DCAF13: variants seen among roughly 807,000 people sequenced by gnomAD.
DCAF13 encodes DDB1 and CUL4 associated factor 13.
DCAF13 carries 38 observed loss-of-function variants against 59.0 expected under a neutral mutation model. That is an observed-to-expected ratio of 0.64 (90% confidence interval 0.50 to 0.84). The LOEUF is 0.84. Ranked by LOEUF, DCAF13 falls within the 40% of genes least tolerant of loss-of-function variation. The pLI is 0.00. For synonymous variants in DCAF13, 173 were observed against 175.0 expected, an observed-to-expected ratio of 0.99 and a Z score of 0.09; for missense variants, 469 against 558.4, an observed-to-expected ratio of 0.84 and a Z score of 1.61.
At chr8:103,429,888 A>G (rs775709052) in intron 5 of DCAF13, 4 of 152,198 alleles carry the variant, frequency 2.6e-5, no homozygotes, top group Non-Finnish European at 5.9e-5. Flanking sequence ...AAAAGCCATA[A>G]AATTGTTCAT....
chr8:103,419,491 TATA>T (rs1816692758), intron 1 of DCAF13, among the ~76,000 whole-genome samples: 1 of 152,216 alleles, frequency 6.6e-6, no homozygotes, highest in Non-Finnish European at 1.5e-5. Context: ...ATGATAGCTA[TATA>T]ATATCATCAT....
intron 9 of DCAF13, chr8:103,440,752 G>A (rs1816999528): frequency 6.6e-6 from 1 of 152,262 alleles, no homozygotes; most frequent in African/African-American, 2.4e-5. Context: ...AAAAATAGCA[G>A]GTGTTATCAT....
intron 1 of DCAF13, among the ~76,000 whole-genome samples, chr8:103,417,122 C>G (rs571309990): frequency 6.6e-6 from 1 of 152,332 alleles, no homozygotes; most frequent in East Asian, 1.9e-4. Flanking sequence ...CAGTCCCACT[C>G]TTTAAGAGGT....
At chr8:103,441,712 T>C in intron 10 of DCAF13, 94 bp downstream of exon 10, 1 of 1,164,560 alleles carries the variant, frequency 8.6e-7, no homozygotes, top group South Asian at 1.4e-5. Flanking sequence ...GGGAGTAGTT[T>C]ATGTGCTATT....
At chr8:103,433,850 G>A (rs750107420) in intron 7 of DCAF13, among the ~76,000 whole-genome samples, 24 of 151,772 alleles carry the variant, frequency 1.6e-4, no homozygotes, top group Non-Finnish European at 3.4e-4. Flanking sequence ...CTTTATTGAT[G>A]TTTTGAAATT....
In DCAF13 at chr8:103,420,408, T is replaced by A. The variant is rs773291851; in HGVS notation, c.215T>A (p.Leu72Ter). The A allele has an allele frequency of 6.2e-7, 1 of 1,614,124 alleles. No homozygotes were observed. Among genetic ancestry groups the A allele is most frequent in the Non-Finnish European group, 8.5e-7 (1 of 1,180,000 alleles). The change falls in exon 2 of 11, where the codon TTG (leucine) becomes TAG (stop). Residue 72 changes from leucine (L) to a stop codon, truncating the protein, a stop_gained. Coordinates refer to ENST00000612750, the MANE Select transcript of DCAF13 (RefSeq NM_015420.7). LOFTEE classifies it high-confidence loss of function. ...GGTCACCGTGATGGAGTCAATTGCT[T>A]GGCAAAGCATCCAGAGAAGCTGGCT... is the stretch of plus-strand genomic sequence containing the variant. The part of the protein sequence containing the change: ...LDGHRDGVNC[L>*]AKHPEKLATV...
rs1816788493 is a variant in DCAF13 at position 103,426,080 on chromosome 8, C to G, written c.403C>G (p.Gln135Glu). ...FTVGDDKTVK[Q>E]WKMDGPGYGD... ...GGTTGGTGATGACAAAACTGTGAAG[C>G]AGTGGAAAATGGATGGGCCAGGCTA... Residue 135 changes from glutamine (Q) to glutamate (E), a missense_variant, in exon 4 of 11, where the codon CAG becomes GAG. Transcript: ENST00000612750. 3 of 1,612,302 alleles carry G rather than the reference C, an allele frequency of 1.9e-6. No homozygotes were observed. The African/African-American group carries it at 4.0e-5, about 22-fold the overall frequency.
At chr8:103,428,855 A>G (rs550582251) in intron 5 of DCAF13, 1 of 151,998 alleles carries the variant, frequency 6.6e-6, no homozygotes, top group Non-Finnish European at 1.5e-5. Context: ...GGGATGACCT[A>G]GTGACCATGT....
At position 103,417,885 on chromosome 8, in the gene DCAF13, C is replaced by T. The variant is rs538074213; in HGVS notation, c.70+2369C>T. On this transcript the variant is annotated intron_variant, in intron 1 of 10. Transcript: ENST00000612750. ...CTGTAATCCCAGCACTTTGGGAGGC[C>T]GAGGCGGGAAGATCACGAGGTCAGG... Among the ~76,000 whole-genome samples the T allele has an allele frequency of 4.0e-5, 6 of 151,530 alleles. No individual in the cohort carries two copies. The East Asian group carries it at 5.9e-4, about 15-fold the overall frequency.
At chr8:103,420,789 G>A (rs1816711988) in intron 2 of DCAF13, 186 bp from the exon 3 acceptor site, 2 of 592,348 alleles carry the variant, frequency 3.4e-6, no homozygotes, top group Non-Finnish European at 5.9e-6. Context: ...AGAATCAACA[G>A]AGTATTTGTC....
At chr8:103,420,878 GC>G in intron 2 of DCAF13, 96 bp from the exon 3 acceptor site, 1 of 898,744 alleles carries the variant, frequency 1.1e-6, no homozygotes, top group African/African-American at 1.6e-5. Flanking sequence ...GGTTTTAGCT[GC>G]CCAGTAGAGT....
intron 3 of DCAF13, among the ~76,000 whole-genome samples, chr8:103,423,231 AATGCTTAAAATGAAT>A (rs1458288330): frequency 6.6e-6 from 1 of 151,930 alleles, no homozygotes. Context: ...ATTTTTTTTT[AATGCTTAAAATGAAT>A]AAAGGCTCAT....
intron 1 of DCAF13, among the ~76,000 whole-genome samples, chr8:103,416,859 C>G (rs1402993538): frequency 6.6e-6 from 1 of 152,170 alleles, no homozygotes; most frequent in Admixed American, 6.5e-5. Context: ...ACAAAATGAT[C>G]TATCTTGTTG....
intron 5 of DCAF13, chr8:103,429,841 G>C (rs1049254416): frequency 6.6e-6 from 1 of 152,080 alleles, no homozygotes; most frequent in African/African-American, 2.4e-5. Context: ...GTGTATACTG[G>C]TACAGCTCTT....
intron 10 of DCAF13, 143 bp from the exon 11 acceptor site, chr8:103,442,652 T>A: frequency 1.9e-6 from 1 of 525,204 alleles, no homozygotes; most frequent in Non-Finnish European, 3.4e-6. Flanking sequence ...TGGTACTAGC[T>A]TCCTTTTACC....
chr8:103,430,954 ATACT>A (rs1218900989), intron 6 of DCAF13, among the ~76,000 whole-genome samples: 4 of 152,128 alleles, frequency 2.6e-5, no homozygotes, highest in Non-Finnish European at 5.9e-5. Context: ...CCTCTAATTA[ATACT>A]TACTGAATTG....
intron 5 of DCAF13, chr8:103,427,821 G>C (rs1282459848): frequency 6.6e-6 from 1 of 152,538 alleles, no homozygotes; most frequent in Non-Finnish European, 1.5e-5. Flanking sequence ...ACTACATGTC[G>C]TCTGTTTAGG....
chr8:103,440,653 C>T, intron 9 of DCAF13: 1 of 154,586 alleles, frequency 6.5e-6, no homozygotes, highest in Non-Finnish European at 1.4e-5. Flanking sequence ...TCAAAGGCTG[C>T]AAGTCCCTGG....
Position 103,442,951 on chromosome 8 carries a change from G to A in DCAF13, c.*69G>A. The A allele has an allele frequency of 9.1e-7, 1 of 1,103,436 alleles. No individual in the cohort carries two copies. The highest frequency in any genetic ancestry group is 1.3e-6 in the Non-Finnish European group (1 of 760,184). 68.4% of individuals were successfully genotyped at this position (1,103,436 alleles called of 1,614,324 possible). ...TGATTTGAGAACTCTACAAATAAAA[G>A]TGCTGGGACTAGATTAATTGCAAAC... On this transcript the variant is annotated 3_prime_UTR_variant, in exon 11 of 11. Coordinates refer to ENST00000612750, the MANE Select transcript of DCAF13 (RefSeq NM_015420.7).
Sources: allele counts gnomAD v4.1 joint callset (sites outside exome capture counted in the v4.1 genomes callset), GRCh38; gene constraint gnomAD v4.1.1; transcripts MANE v1.5; gene names NCBI Gene and HGNC (gene_info 2026-07-23, HGNC 2026-07-21).